The following KCND2 variants were observed in gnomAD, a reference collection of about 807,000 sequenced individuals.
KCND2 encodes the protein potassium voltage-gated channel subfamily D member 2, also known as A-type voltage-gated potassium channel KCND2.
KCND2 carries 16 observed loss-of-function variants against 54.4 expected under a neutral mutation model. The observed-to-expected ratio is 0.29, with a 90% confidence interval of 0.20 to 0.45. The LOEUF (loss-of-function observed/expected upper bound fraction) is 0.45, where lower values mean the gene tolerates loss of function less well. Among genes scored for constraint, KCND2 ranks in the 20% least tolerant of loss-of-function variants. KCND2 has a pLI of 1.00. For synonymous variants in KCND2, 317 were observed against 310.7 expected (o/e 1.02, Z -0.21); for missense variants, 486 against 824.2 (o/e 0.59, Z 5.02).
intron 1 of KCND2, among the ~76,000 whole-genome samples, chr7:120,362,490 AT>A (rs1476643990): frequency 1.3e-5 from 2 of 152,132 alleles, no homozygotes; most frequent in Non-Finnish European, 2.9e-5. Context: ...AAAGTCTGGC[AT>A]TTAATTGTAT....
At chr7:120,515,229 C>T (rs1294815204) in intron 1 of KCND2, among the ~76,000 whole-genome samples, 2 of 152,062 alleles carry the variant, frequency 1.3e-5, no homozygotes, top group Non-Finnish European at 2.9e-5. Context: ...TTCTCACCTT[C>T]ACTGTCACCT....
intron 1 of KCND2, among the ~76,000 whole-genome samples, chr7:120,404,654 C>G (rs768170591): frequency 2.0e-5 from 3 of 152,098 alleles, no homozygotes; most frequent in Non-Finnish European, 4.4e-5. Flanking sequence ...GGGTTCTAAA[C>G]CCAGCTTTGC....
intron 1 of KCND2, among the ~76,000 whole-genome samples, chr7:120,730,914 C>T (rs1012064421): frequency 6.6e-6 from 1 of 150,560 alleles, no homozygotes. Context: ...TCCTCCTAAA[C>T]TCCCTTGAGC....
intron 1 of KCND2, among the ~76,000 whole-genome samples, chr7:120,459,511 T>TTTATATCA (rs1802250621): frequency 6.6e-6 from 1 of 152,198 alleles, no homozygotes. Flanking sequence ...TTTCTAGTCT[T>TTTATATCA]TTATATCATT....
At chr7:120,669,056 A>T (rs921435992) in intron 1 of KCND2, among the ~76,000 whole-genome samples, 1 of 152,112 alleles carries the variant, frequency 6.6e-6, no homozygotes, top group Non-Finnish European at 1.5e-5. Flanking sequence ...TAGGGAAGTC[A>T]TAATAATTGT....
chr7:120,672,768 G>A (rs539084932), intron 1 of KCND2: 10 of 152,220 alleles, frequency 6.6e-5, no homozygotes, highest in African/African-American at 2.2e-4. Context: ...TGTATTTGGA[G>A]ATAGGGATTT....
chr7:120,424,054 G>C (rs1327446806), intron 1 of KCND2, among the ~76,000 whole-genome samples: 2 of 152,126 alleles, frequency 1.3e-5, no homozygotes, highest in Admixed American at 6.5e-5. Flanking sequence ...TCAGAAAATG[G>C]CTAATTACTT....
chr7:120,484,701 G>GCACA (rs3067134), intron 1 of KCND2, among the ~76,000 whole-genome samples: 4,428 of 137,584 alleles, frequency 0.032, 184 homozygotes, highest in African/African-American at 0.1. Flanking sequence ...TATATTACAC[G>GCACA]CACACACACA....
intron 1 of KCND2, among the ~76,000 whole-genome samples, chr7:120,556,054 C>A (rs919824130): frequency 3.3e-5 from 5 of 152,112 alleles, no homozygotes; most frequent in African/African-American, 1.2e-4. Context: ...AACTTGAATT[C>A]TTGACACATG....
chr7:120,586,424 C>A (rs962159088), intron 1 of KCND2, among the ~76,000 whole-genome samples: 3 of 152,028 alleles, frequency 2.0e-5, no homozygotes, highest in African/African-American at 7.2e-5. Flanking sequence ...TCATCAAAAT[C>A]TTTGTTCATT....
intron 1 of KCND2, among the ~76,000 whole-genome samples, chr7:120,638,175 T>C (rs1210410443): frequency 1.3e-5 from 2 of 152,266 alleles, no homozygotes; most frequent in Non-Finnish European, 2.9e-5. Flanking sequence ...GGATCTTTAC[T>C]ACATGCTCAC....
intron 1 of KCND2, among the ~76,000 whole-genome samples, chr7:120,464,991 A>G (rs1234091020): frequency 6.6e-6 from 1 of 152,232 alleles, no homozygotes; most frequent in South Asian, 2.1e-4. Context: ...TGTAATTACA[A>G]CAGTAAAACC....
chr7:120,602,731 G>A (rs3814461), intron 1 of KCND2, among the ~76,000 whole-genome samples: 105,290 of 152,046 alleles, frequency 0.69, 38,854 homozygotes, highest in Middle Eastern at 0.88. Flanking sequence ...CCAAACTTCA[G>A]AAAGACATTG....
chr7:120,644,030 G>T (rs956692737), intron 1 of KCND2, among the ~76,000 whole-genome samples: 1 of 151,618 alleles, frequency 6.6e-6, no homozygotes, highest in Non-Finnish European at 1.5e-5. Flanking sequence ...ATGAACTTTG[G>T]TGAAAGTGTG....
At chr7:120,678,647 T>A (rs949324131) in intron 1 of KCND2, among the ~76,000 whole-genome samples, 4 of 147,266 alleles carry the variant, frequency 2.7e-5, no homozygotes, top group African/African-American at 9.8e-5. Flanking sequence ...CACACACATA[T>A]ATACACATAC....
At chr7:120,654,355 G>A (rs1238741226) in intron 1 of KCND2, among the ~76,000 whole-genome samples, 2 of 152,164 alleles carry the variant, frequency 1.3e-5, no homozygotes, top group Admixed American at 6.5e-5. Flanking sequence ...AGGAGTAATA[G>A]ATACTTGTAT....
intron 1 of KCND2, among the ~76,000 whole-genome samples, chr7:120,564,790 T>C (rs1305067257): frequency 6.6e-6 from 1 of 152,208 alleles, no homozygotes; most frequent in Non-Finnish European, 1.5e-5. Context: ...TTCTCACTCC[T>C]AGAAATTCTG....
chr7:120,306,902 C>A (rs1020876784), intron 1 of KCND2, among the ~76,000 whole-genome samples: 50 of 152,064 alleles, frequency 3.3e-4, no homozygotes, highest in Middle Eastern at 3.4e-3. Flanking sequence ...AGATTGTGAA[C>A]CCAAGCAGCT....
At chr7:120,559,612 A>G (rs1174598631) in intron 1 of KCND2, among the ~76,000 whole-genome samples, 1 of 152,202 alleles carries the variant, frequency 6.6e-6, no homozygotes, top group African/African-American at 2.4e-5. Context: ...AAATAGCCTG[A>G]TGGGAACAGC....
Sources: allele counts gnomAD v4.1 joint callset (sites outside exome capture counted in the v4.1 genomes callset), GRCh38; gene constraint gnomAD v4.1.1; transcripts MANE v1.5; gene names NCBI Gene and HGNC (gene_info 2026-07-23, HGNC 2026-07-21).